Variants in UNC13C observed in about 807,000 individuals in gnomAD.
UNC13C encodes unc-13 homolog C.
UNC13C carries 174 observed loss-of-function variants against 245.4 expected under a neutral mutation model. That is an observed-to-expected ratio of 0.71 (90% CI 0.63 to 0.80). The LOEUF is 0.80. UNC13C is among the 30% of genes least tolerant of loss of function. The pLI is 0.00. For missense variants in UNC13C, 2,829 were observed against 2,602.9 expected (o/e 1.09, Z -1.89); for synonymous variants, 992 against 895.1 (o/e 1.11, Z -1.93).
At chr15:53,883,654 T>C in the UNC13C span, among the ~76,000 whole-genome samples, 4 of 152,206 alleles carry the variant, frequency 2.6e-5, no homozygotes, top group African/African-American at 9.6e-5. Flanking sequence ...CAAGATTAGA[T>C]TTTGTGACAA....
At chr15:54,440,325 T>C (rs559850149) in intron 19 of UNC13C, among the ~76,000 whole-genome samples, 1 of 152,136 alleles carries the variant, frequency 6.6e-6, no homozygotes, top group East Asian at 1.9e-4. Context: ...TATTTCTTTA[T>C]GGCAGTGTGA....
Position 54,362,826 on chromosome 15 carries a change from G to C in UNC13C, c.4713+24337G>C, listed in dbSNP as rs934203011. 4.6e-5 allele frequency among the ~76,000 whole-genome samples: 7 copies of C among 152,268 alleles called. 1 individual carries two copies. Among genetic ancestry groups the C allele is most frequent in the Non-Finnish European group, 8.8e-5 (6 of 68,016 alleles). On this transcript the variant is annotated intron_variant, in intron 17 of 32. Transcript: ENST00000260323. ...TGAGAGAAAAAAAGGTGTTCTACGA[G>C]TACATAGGAGGCTCACATAATCCAT...
intron 10 of UNC13C, among the ~76,000 whole-genome samples, chr15:54,273,518 G>A (rs1017640168): frequency 5.3e-5 from 8 of 152,080 alleles, no homozygotes; most frequent in Non-Finnish European, 1.0e-4. Context: ...AACCTATTTG[G>A]GTTTTTCAAT....
the UNC13C span, among the ~76,000 whole-genome samples, chr15:53,944,167 C>G: frequency 6.6e-6 from 1 of 151,728 alleles, no homozygotes; most frequent in Non-Finnish European, 1.5e-5. Flanking sequence ...TAAGATGCCT[C>G]CAGGCTTCCT....
At chr15:54,041,939 T>C (rs567169823) in intron 2 of UNC13C, among the ~76,000 whole-genome samples, 1 of 152,344 alleles carries the variant, frequency 6.6e-6, no homozygotes, top group African/African-American at 2.4e-5. Context: ...AAGATTTGTG[T>C]AATGTTTCAC....
intron 18 of UNC13C, among the ~76,000 whole-genome samples, chr15:54,401,866 T>G (rs1224806531): frequency 6.6e-6 from 1 of 152,118 alleles, no homozygotes; most frequent in East Asian, 1.9e-4. Flanking sequence ...TTTCTTGGGT[T>G]CCAGTACAAT....
intron 4 of UNC13C, among the ~76,000 whole-genome samples, chr15:54,166,306 T>TGTATG (rs2033160128): frequency 6.6e-6 from 1 of 152,092 alleles, no homozygotes; most frequent in Admixed American, 6.5e-5. Context: ...TTTATTTGAA[T>TGTATG]GTATGATAGG....
At chr15:54,302,176 G>A (rs1195785533) in intron 13 of UNC13C, among the ~76,000 whole-genome samples, 2 of 152,116 alleles carry the variant, frequency 1.3e-5, no homozygotes, top group East Asian at 3.9e-4. Flanking sequence ...GTTCTTTGTA[G>A]ATTCTCGATA....
intron 18 of UNC13C, among the ~76,000 whole-genome samples, chr15:54,406,181 C>G (rs946171545): frequency 6.6e-6 from 1 of 152,072 alleles, no homozygotes. Context: ...GTGCTAGGTT[C>G]GACGAAAAGT....
At chr15:54,242,469 G>A (rs971834006) in intron 7 of UNC13C, among the ~76,000 whole-genome samples, 2 of 151,948 alleles carry the variant, frequency 1.3e-5, no homozygotes, top group African/African-American at 2.4e-5. Flanking sequence ...ATACAAAAAT[G>A]TGTGCCATTT....
chr15:53,926,015 C>A, the UNC13C span, among the ~76,000 whole-genome samples: 1 of 152,160 alleles, frequency 6.6e-6, no homozygotes, highest in Non-Finnish European at 1.5e-5. Context: ...TAAAAGACAC[C>A]TATCTGGGAG....
intron 20 of UNC13C, among the ~76,000 whole-genome samples, chr15:54,497,491 C>T (rs1894009168): frequency 6.6e-6 from 1 of 152,010 alleles, no homozygotes; most frequent in South Asian, 2.1e-4. Context: ...AGATATGAGT[C>T]CAACATGCTA....
intron 16 of UNC13C, among the ~76,000 whole-genome samples, chr15:54,335,944 TTATGTATG>T (rs1196956888): frequency 1.3e-5 from 2 of 152,066 alleles, no homozygotes; most frequent in Admixed American, 6.6e-5. Context: ...ATTTTCCATG[TTATGTATG>T]TATGTATGTA....
chr15:54,025,583 G>T (rs967600769), intron 2 of UNC13C, among the ~76,000 whole-genome samples: 4 of 152,180 alleles, frequency 2.6e-5, no homozygotes, highest in Non-Finnish European at 5.9e-5. Flanking sequence ...TCCACATTCT[G>T]TGTGCTTAAT....
intron 25 of UNC13C, among the ~76,000 whole-genome samples, chr15:54,527,481 G>A (rs1895527223): frequency 6.6e-6 from 1 of 152,150 alleles, no homozygotes; most frequent in Non-Finnish European, 1.5e-5. Flanking sequence ...TATAAGTAAA[G>A]TATATTTAAA....
the UNC13C span, among the ~76,000 whole-genome samples, chr15:53,858,775 A>G: frequency 6.6e-6 from 1 of 152,176 alleles, no homozygotes; most frequent in East Asian, 1.9e-4. Context: ...CTAATGGCTA[A>G]CACACTGCTT....
chr15:54,554,675 C>T (rs561925854), intron 28 of UNC13C, among the ~76,000 whole-genome samples: 93 of 151,912 alleles, frequency 6.1e-4, no homozygotes, highest in Non-Finnish European at 1.2e-3. Flanking sequence ...TGAGTGTTGT[C>T]GAATAGAATA....
intron 2 of UNC13C, among the ~76,000 whole-genome samples, chr15:54,084,649 T>C (rs143671904): frequency 2.1e-4 from 32 of 152,342 alleles, no homozygotes; most frequent in African/African-American, 7.5e-4. Context: ...TTTAGTTGTA[T>C]ATTATAAATA....
chr15:54,280,979 G>T (rs1005765357), intron 10 of UNC13C, among the ~76,000 whole-genome samples: 2 of 151,770 alleles, frequency 1.3e-5, no homozygotes, highest in African/African-American at 4.8e-5. Flanking sequence ...TGTATGTTTA[G>T]TAGAGATGAG....
Sources: gnomAD v4.1 joint callset for allele counts (sites outside exome capture counted in the v4.1 genomes callset) on GRCh38, gnomAD v4.1.1 for gene constraint, MANE v1.5 for transcripts, NCBI Gene and HGNC (gene_info 2026-07-23, HGNC 2026-07-21) for gene names.